CERS3: variants seen among roughly 807,000 people sequenced by gnomAD.
CERS3 encodes the protein LAG1 homolog, ceramide synthase 3.
In CERS3, 33 loss-of-function variants were observed where a neutral mutation model predicts 50.3. That is an observed-to-expected ratio of 0.66 (90% CI 0.50 to 0.88). The LOEUF (loss-of-function observed/expected upper bound fraction) is 0.88. Among genes scored for constraint, CERS3 ranks in the 40% least tolerant of loss-of-function variants. The pLI, the probability that CERS3 is intolerant of heterozygous loss-of-function variation, is 0.00. For synonymous variants in CERS3, 176 were observed against 155.2 expected, an observed-to-expected ratio of 1.13 and a Z score of -0.99; for missense variants, 470 against 460.3, an observed-to-expected ratio of 1.02 and a Z score of -0.19.
At chr15:100,485,839 G>C (rs2035467833) in intron 4 of CERS3, among the ~76,000 whole-genome samples, 1 of 152,072 alleles carries the variant, frequency 6.6e-6, no homozygotes, top group Non-Finnish European at 1.5e-5. Context: ...ACTCCAGCCT[G>C]GGCGACAGAG....
chr15:100,425,844 G>A (rs2032777585), intron 11 of CERS3: 1 of 152,146 alleles, frequency 6.6e-6, no homozygotes, highest in African/African-American at 2.4e-5. Context: ...AATTCTGAAT[G>A]TTGGAGGAGG....
rs181939920 is a variant in CERS3 at position 100,442,387 on chromosome 15, G to A, written c.999+13506C>T. Among the ~76,000 whole-genome samples the A allele has an allele frequency of 6.6e-5, 10 of 152,306 alleles. No individual in the cohort carries two copies. In the East Asian group the frequency reaches 1.4e-3, roughly 21 times the overall value. On this transcript the variant is annotated intron_variant, in intron 11 of 11. Coordinates refer to ENST00000679737, the MANE Select transcript of CERS3 (RefSeq NM_001378789.1). ...AGGATTTAATTAACCTCGCCTTCAA[G>A]GTGTACAATAATAGAATAGAGGCAG...
chr15:100,533,560 CTCTT>C (rs1367916063), upstream of CERS3, among the ~76,000 whole-genome samples: 14 of 124,716 alleles, frequency 1.1e-4, no homozygotes, highest in African/African-American at 1.9e-4. Flanking sequence ...TTCCCTCTCT[CTCTT>C]TTTTTTTTTT....
chr15:100,423,100 TA>T (rs139391682), intron 11 of CERS3, among the ~76,000 whole-genome samples: 22 of 148,530 alleles, frequency 1.5e-4, no homozygotes, highest in South Asian at 4.3e-4. Flanking sequence ...AAAAAAATGT[TA>T]AAAAAAAAAG....
intron 10 of CERS3, among the ~76,000 whole-genome samples, chr15:100,464,364 T>G (rs1183530861): frequency 1.3e-5 from 2 of 152,212 alleles, no homozygotes; most frequent in Non-Finnish European, 2.9e-5. Context: ...AGGCATGAGC[T>G]GGGTCTCACT....
At chr15:100,481,968 A>G (rs1187696683) in intron 5 of CERS3, among the ~76,000 whole-genome samples, 1 of 152,216 alleles carries the variant, frequency 6.6e-6, no homozygotes, top group African/African-American at 2.4e-5. Flanking sequence ...ATGAAATTGC[A>G]CTGATGAAAC....
chr15:100,453,105 C>CAAA (rs36083318), intron 11 of CERS3, among the ~76,000 whole-genome samples: 5 of 149,134 alleles, frequency 3.4e-5, no homozygotes, highest in Non-Finnish European at 5.9e-5. Flanking sequence ...TTAAACTATT[C>CAAA]AAAAAAAAAA....
At chr15:100,532,890 A>G (rs1288746436), upstream of CERS3, among the ~76,000 whole-genome samples, 1 of 152,198 alleles carries the variant, frequency 6.6e-6, no homozygotes, top group East Asian at 1.9e-4. Flanking sequence ...TCCCTGGATC[A>G]ATACCTACCC....
At chr15:100,447,553 C>A (rs1221265837) in intron 11 of CERS3, among the ~76,000 whole-genome samples, 1 of 152,172 alleles carries the variant, frequency 6.6e-6, no homozygotes, top group Non-Finnish European at 1.5e-5. Flanking sequence ...TAAATCTATT[C>A]AAATATTTTA....
chr15:100,427,777 G>A (rs1253344039), intron 11 of CERS3, among the ~76,000 whole-genome samples: 2 of 152,152 alleles, frequency 1.3e-5, no homozygotes, highest in East Asian at 1.9e-4. Flanking sequence ...TCATAAATAT[G>A]ATGGCTTGAG....
chr15:100,483,138 C>T (rs547401108), intron 5 of CERS3, among the ~76,000 whole-genome samples: 1 of 152,328 alleles, frequency 6.6e-6, no homozygotes, highest in African/African-American at 2.4e-5. Flanking sequence ...CAAGGTCCAA[C>T]CTATGTCTTC....
intron 8 of CERS3, among the ~76,000 whole-genome samples, chr15:100,475,133 T>C (rs1285193668): frequency 6.6e-6 from 1 of 152,212 alleles, no homozygotes; most frequent in East Asian, 1.9e-4. Context: ...CAATTAAATT[T>C]TGATGTATTC....
At chr15:100,435,823 A>G (rs1367679372) in intron 11 of CERS3, among the ~76,000 whole-genome samples, 1 of 152,264 alleles carries the variant, frequency 6.6e-6, no homozygotes, top group Non-Finnish European at 1.5e-5. Context: ...GGGTATGAAC[A>G]GACACTTTTC....
chr15:100,535,157 A>T (rs1422824285), intron 1 of CERS3, among the ~76,000 whole-genome samples: 4 of 152,160 alleles, frequency 2.6e-5, no homozygotes, highest in Admixed American at 2.6e-4. Context: ...ATTAACTGAG[A>T]CCTATCTCAG....
chr15:100,452,606 C>G (rs1321113538), intron 11 of CERS3, among the ~76,000 whole-genome samples: 1 of 151,472 alleles, frequency 6.6e-6, no homozygotes, highest in Non-Finnish European at 1.5e-5. Flanking sequence ...ACTAGGAAAG[C>G]AAGAATAAAC....
chr15:100,540,591 T>C (rs910826990), intron 1 of CERS3, among the ~76,000 whole-genome samples: 1 of 152,230 alleles, frequency 6.6e-6, no homozygotes, highest in Non-Finnish European at 1.5e-5. Flanking sequence ...TTATGCTAAT[T>C]ATCCAAATTA....
intron 11 of CERS3, among the ~76,000 whole-genome samples, chr15:100,450,554 CATAT>C (rs2142181506): frequency 6.6e-6 from 1 of 151,466 alleles, no homozygotes; most frequent in African/African-American, 2.4e-5. Context: ...GCCTACAGGA[CATAT>C]GGGACACTGT....
intron 2 of CERS3, among the ~76,000 whole-genome samples, chr15:100,515,691 T>C (rs1221071096): frequency 6.6e-6 from 1 of 152,136 alleles, no homozygotes; most frequent in Non-Finnish European, 1.5e-5. Context: ...TCCAAGGTGA[T>C]GGGGAGGAAC....
intron 10 of CERS3, among the ~76,000 whole-genome samples, chr15:100,461,207 A>G (rs1017333566): frequency 6.6e-6 from 1 of 152,212 alleles, no homozygotes. Context: ...CGAAACCTGC[A>G]TAAGTCACTG....
Sources: allele counts gnomAD v4.1 joint callset (sites outside exome capture counted in the v4.1 genomes callset), GRCh38; gene constraint gnomAD v4.1.1; transcripts MANE v1.5; gene names NCBI Gene and HGNC (gene_info 2026-07-23, HGNC 2026-07-21).